Variants in PCDH11X observed in about 807,000 individuals in gnomAD.
PCDH11X encodes the protein protocadherin-11 X-linked.
A neutral mutation model predicts 53.3 loss-of-function variants in PCDH11X; 18 were observed. That is an observed-to-expected ratio of 0.34 (90% CI 0.23 to 0.50). PCDH11X has a LOEUF of 0.50. Ranked by LOEUF, PCDH11X falls within the 20% of genes least tolerant of loss-of-function variation. The probability of loss-of-function intolerance (pLI) is 0.98; values close to 1 mark genes in which losing one functional copy is unlikely to be tolerated. For missense variants in PCDH11X, 570 were observed against 1,032.4 expected (o/e 0.55, Z 6.14); for synonymous variants, 279 against 393.3 (o/e 0.71, Z 3.44).
chrX:91,956,406 A>G (rs751886915), intron 6 of PCDH11X, among the ~76,000 whole-genome samples: 1 of 111,408 alleles, frequency 9.0e-6, no homozygotes, highest in East Asian at 2.8e-4. Flanking sequence ...TTTCCTTTCC[A>G]TATTTAGTGC....
At position 91,913,733 on chromosome X, in the gene PCDH11X, C is replaced by T. The variant is rs199638892; in HGVS notation, c.3033+34460C>T. On this transcript the variant is annotated intron_variant, in intron 6 of 10. Coordinates refer to ENST00000682573, the MANE Select transcript of PCDH11X (RefSeq NM_032968.5). ...ACCATCTTAGAGTAAGCTTAGAGCC[C>T]TTTACTACTATCACAGCTGGTGCTA... Among the ~76,000 whole-genome samples the T allele has an allele frequency of 3.6e-5, 4 of 111,568 alleles. No individual in the cohort carries two copies. The East Asian group carries it at 1.1e-3, about 32-fold the overall frequency.
At chrX:91,872,520 T>G (rs1467828318) in intron 5 of PCDH11X, among the ~76,000 whole-genome samples, 2 of 110,948 alleles carry the variant, frequency 1.8e-5, no homozygotes, top group Non-Finnish European at 3.8e-5. Context: ...TCTTTAGAGA[T>G]TATACATTTA....
intron 10 of PCDH11X, among the ~76,000 whole-genome samples, chrX:92,610,003 T>A (rs1312381954): frequency 8.9e-6 from 1 of 111,920 alleles, no homozygotes; most frequent in Non-Finnish European, 1.9e-5. Flanking sequence ...CCACTGATGG[T>A]CACCTAGGTT....
At chrX:92,279,588 T>C (rs1412486887) in intron 8 of PCDH11X, among the ~76,000 whole-genome samples, 1 of 112,622 alleles carries the variant, frequency 8.9e-6, no homozygotes, top group Non-Finnish European at 1.9e-5. Flanking sequence ...AGTTATTATC[T>C]TTGTAATACT....
chrX:92,584,179 G>A (rs6619080), intron 10 of PCDH11X, among the ~76,000 whole-genome samples: 22,625 of 109,047 alleles, frequency 0.21, 2,368 homozygotes, highest in Non-Finnish European at 0.3. Context: ...TTAGTGATGA[G>A]GGGAAATCTA....
chrX:92,228,565 A>G (rs1443055155), intron 7 of PCDH11X, among the ~76,000 whole-genome samples: 1 of 111,574 alleles, frequency 9.0e-6, no homozygotes, highest in Non-Finnish European at 1.9e-5. Flanking sequence ...CTTACTAACT[A>G]TACAACAATG....
chrX:92,111,957 C>T (rs1204110636), intron 6 of PCDH11X, among the ~76,000 whole-genome samples: 18 of 109,092 alleles, frequency 1.6e-4, no homozygotes, highest in African/African-American at 5.3e-4. Flanking sequence ...CGGGGTTTCA[C>T]CTTGTTAGCC....
chrX:92,562,766 A>T (rs2148763829), intron 10 of PCDH11X, among the ~76,000 whole-genome samples: 1 of 110,286 alleles, frequency 9.1e-6, no homozygotes, highest in African/African-American at 3.3e-5. Flanking sequence ...CAATGCAACC[A>T]ATTTTTTTGC....
intron 6 of PCDH11X, among the ~76,000 whole-genome samples, chrX:91,937,808 A>G (rs140658971): frequency 0.025 from 2,750 of 111,096 alleles, 83 homozygotes; most frequent in African/African-American, 0.085. Flanking sequence ...AATTTTAAAA[A>G]TTAAGCTTAA....
chrX:92,328,677 A>G (rs1039930348), intron 8 of PCDH11X, among the ~76,000 whole-genome samples: 7 of 111,203 alleles, frequency 6.3e-5, no homozygotes, highest in Non-Finnish European at 1.1e-4. Context: ...ACGTTTGACA[A>G]CTTTGATGAA....
intron 10 of PCDH11X, among the ~76,000 whole-genome samples, chrX:92,520,382 G>C (rs1289557642): frequency 1.9e-5 from 2 of 106,421 alleles, no homozygotes; most frequent in East Asian, 6.0e-4. Context: ...ACCTTCAGGG[G>C]ATAGTAATCT....
chrX:92,152,185 G>T (rs1324958777), intron 6 of PCDH11X, among the ~76,000 whole-genome samples: 2 of 85,030 alleles, frequency 2.4e-5, no homozygotes, highest in Non-Finnish European at 4.5e-5. Flanking sequence ...AGACTTCATT[G>T]TGCGCAAGTG....
intron 6 of PCDH11X, among the ~76,000 whole-genome samples, chrX:92,161,940 C>G (rs1347723365): frequency 1.2e-4 from 9 of 72,181 alleles, no homozygotes; most frequent in Non-Finnish European, 2.3e-4. Context: ...ATTTATTTGA[C>G]TTCATTAAGT....
Position 92,181,284 on chromosome X carries a change from G to A in PCDH11X, c.3034-20091G>A, listed in dbSNP as rs749129228. Among the ~76,000 whole-genome samples, 8 of 111,407 alleles carry A rather than the reference G, an allele frequency of 7.2e-5. No individual in the cohort carries two copies. The East Asian group carries it at 2.3e-3, about 32-fold the overall frequency. The stretch of plus-strand genomic sequence containing the variant: ...CTTTGAACTTGAGAGAGATGATTTA[G>A]GGTAGCTGGTGGAAGAAATTTCTAA... On this transcript the variant is annotated intron_variant, in intron 6 of 10. Coordinates refer to ENST00000682573, the MANE Select transcript of PCDH11X (RefSeq NM_032968.5).
chrX:92,150,621 G>T (rs1276532809), intron 6 of PCDH11X, among the ~76,000 whole-genome samples: 2 of 110,643 alleles, frequency 1.8e-5, no homozygotes, highest in African/African-American at 6.6e-5. Context: ...TGGATTTTCA[G>T]TTTCTATAAA....
intron 7 of PCDH11X, among the ~76,000 whole-genome samples, chrX:92,220,368 C>A: frequency 1.1e-5 from 1 of 94,567 alleles, no homozygotes; most frequent in African/African-American, 3.9e-5. Flanking sequence ...AACAAACAAC[C>A]CCATCAAAAA....
intron 6 of PCDH11X, among the ~76,000 whole-genome samples, chrX:92,068,991 A>G (rs1489604374): frequency 2.7e-5 from 3 of 110,620 alleles, no homozygotes; most frequent in African/African-American, 6.6e-5. Context: ...TATTAGTTCC[A>G]TTTGTTCTAC....
intron 9 of PCDH11X, among the ~76,000 whole-genome samples, chrX:92,457,827 T>C (rs961639174): frequency 7.5e-5 from 8 of 106,526 alleles, no homozygotes; most frequent in African/African-American, 1.0e-4. Context: ...GTGAACATTA[T>C]TGAAATAAGT....
At chrX:92,508,122 T>C (rs937131623) in intron 10 of PCDH11X, among the ~76,000 whole-genome samples, 7 of 111,263 alleles carry the variant, frequency 6.3e-5, no homozygotes, top group African/African-American at 2.3e-4. Flanking sequence ...GTCCGATGAA[T>C]TAAATTTTAT....
Sources: gnomAD v4.1 joint callset for allele counts (sites outside exome capture counted in the v4.1 genomes callset) on GRCh38, gnomAD v4.1.1 for gene constraint, MANE v1.5 for transcripts, NCBI Gene and HGNC (gene_info 2026-07-23, HGNC 2026-07-21) for gene names.